LRP1B: variants seen among roughly 807,000 people sequenced by gnomAD.
The protein encoded by LRP1B is LDL receptor related protein 1B, also known as low-density lipoprotein receptor-related protein 1B.
LRP1B carries 217 observed loss-of-function variants against 556.6 expected under a neutral mutation model. That is an observed-to-expected ratio of 0.39 (90% CI 0.35 to 0.44). The LOEUF (loss-of-function observed/expected upper bound fraction) is 0.44. Among genes scored for constraint, LRP1B ranks in the 20% least tolerant of loss-of-function variants. The pLI, the probability that LRP1B is intolerant of heterozygous loss-of-function variation, is 1.00. For missense variants in LRP1B, 5,053 were observed against 5,620.8 expected (o/e 0.90, Z 3.23); for synonymous variants, 2,047 against 1,865.8 (o/e 1.10, Z -2.50).
chr2:140,535,170 A>T (rs1307688991), intron 46 of LRP1B, among the ~76,000 whole-genome samples: 1 of 152,182 alleles, frequency 6.6e-6, no homozygotes, highest in Non-Finnish European at 1.5e-5. Context: ...CATATTTACC[A>T]GCTGAACCTT....
At chr2:141,929,986 T>C (rs2104992391) in intron 1 of LRP1B, among the ~76,000 whole-genome samples, 1 of 146,098 alleles carries the variant, frequency 6.8e-6, no homozygotes, top group South Asian at 2.2e-4. Flanking sequence ...ACTTTCAAAA[T>C]GTCATGAGGA....
At chr2:140,922,289 C>A (rs7570204) in intron 21 of LRP1B, among the ~76,000 whole-genome samples, 1 of 150,248 alleles carries the variant, frequency 6.7e-6, no homozygotes, top group South Asian at 2.1e-4. Flanking sequence ...TATACACACA[C>A]ACACACACGC....
intron 2 of LRP1B, among the ~76,000 whole-genome samples, chr2:141,772,517 C>G (rs192626395): frequency 1.2e-4 from 19 of 152,228 alleles, no homozygotes; most frequent in African/African-American, 4.6e-4. Flanking sequence ...TTCCCAAGAC[C>G]CAGTGAATCA....
intron 1 of LRP1B, among the ~76,000 whole-genome samples, chr2:142,005,128 A>G (rs901208804): frequency 6.7e-6 from 1 of 148,852 alleles, no homozygotes; most frequent in East Asian, 1.9e-4. Flanking sequence ...ATATAACTAT[A>G]TAGTATATAT....
intron 35 of LRP1B, among the ~76,000 whole-genome samples, chr2:140,750,894 A>G (rs1688552187): frequency 6.6e-6 from 1 of 152,182 alleles, no homozygotes; most frequent in African/African-American, 2.4e-5. Flanking sequence ...TGAATGAAGA[A>G]CATTTTCCCA....
intron 20 of LRP1B, among the ~76,000 whole-genome samples, chr2:140,945,328 A>T (rs1695510068): frequency 6.6e-6 from 1 of 152,132 alleles, no homozygotes; most frequent in Non-Finnish European, 1.5e-5. Flanking sequence ...TCCTATCAAA[A>T]CACCAGCATC....
chr2:140,554,324 G>A (rs945971977), intron 43 of LRP1B, among the ~76,000 whole-genome samples: 3 of 147,558 alleles, frequency 2.0e-5, no homozygotes, highest in East Asian at 2.0e-4. Context: ...TTTTCTTGCC[G>A]TTATGTATGA....
At chr2:140,635,419 G>A (rs952336859) in intron 41 of LRP1B, among the ~76,000 whole-genome samples, 1 of 151,574 alleles carries the variant, frequency 6.6e-6, no homozygotes, top group African/African-American at 2.4e-5. Flanking sequence ...TCAGTACTAG[G>A]GCTGTAAGTT....
At chr2:140,330,777 C>T (rs1015093072) in intron 79 of LRP1B, among the ~76,000 whole-genome samples, 4 of 152,056 alleles carry the variant, frequency 2.6e-5, no homozygotes, top group Admixed American at 1.3e-4. Flanking sequence ...TCAGAGTGAA[C>T]AGACAACCTA....
At chr2:141,502,657 G>A (rs904541345) in intron 2 of LRP1B, among the ~76,000 whole-genome samples, 13 of 151,782 alleles carry the variant, frequency 8.6e-5, no homozygotes, top group Admixed American at 5.9e-4. Context: ...TGAAGAGATC[G>A]AGACCATCCT....
intron 1 of LRP1B, among the ~76,000 whole-genome samples, chr2:141,952,069 C>G (rs1232182486): frequency 7.1e-6 from 1 of 141,112 alleles, no homozygotes; most frequent in Non-Finnish European, 1.5e-5. Flanking sequence ...TCTCATTGTT[C>G]AGTTCCCACC....
chr2:140,916,191 G>C (rs1294376884), intron 21 of LRP1B, among the ~76,000 whole-genome samples: 1 of 152,058 alleles, frequency 6.6e-6, no homozygotes, highest in Admixed American at 6.6e-5. Flanking sequence ...ATTCCATAGG[G>C]CTGGTTCCAG....
At position 142,055,235 on chromosome 2, in the gene LRP1B, T is replaced by C. The variant is rs77994974; in HGVS notation, c.82+75413A>G. Among the ~76,000 whole-genome samples the C allele has an allele frequency of 9.7e-3, 1,477 of 152,102 alleles. 13 individuals are homozygous for C. Among genetic ancestry groups the C allele is most frequent in the African/African-American group, 0.027 (1,138 of 41,516 alleles). ...GAAAAAAAGGAATAGAGTGTGGATA[T>C]AGAGAAGAACAGACAGAGAAAACTT... On this transcript the variant is annotated intron_variant, in intron 1 of 90. Coordinates refer to ENST00000389484, the MANE Select transcript of LRP1B (RefSeq NM_018557.3).
intron 3 of LRP1B, among the ~76,000 whole-genome samples, chr2:141,394,316 A>G (rs1185257017): frequency 6.6e-6 from 1 of 152,126 alleles, no homozygotes. Flanking sequence ...TAGTCTTAAG[A>G]GATTATGAAA....
At chr2:140,678,549 T>C (rs1283892864) in intron 41 of LRP1B, among the ~76,000 whole-genome samples, 50 of 152,304 alleles carry the variant, frequency 3.3e-4, no homozygotes. Flanking sequence ...GGATGTATTC[T>C]ACATATAACT....
intron 1 of LRP1B, among the ~76,000 whole-genome samples, chr2:141,896,260 C>G (rs1699450033): frequency 6.6e-6 from 1 of 152,086 alleles, no homozygotes. Flanking sequence ...TCTTAGTCAC[C>G]TTTTACTTAA....
At chr2:141,591,482 A>T (rs1272095357) in intron 2 of LRP1B, among the ~76,000 whole-genome samples, 1 of 151,748 alleles carries the variant, frequency 6.6e-6, no homozygotes, top group Non-Finnish European at 1.5e-5. Flanking sequence ...CTCCCAGGTG[A>T]TACAGTTGTG....
At chr2:140,408,229 T>C (rs1237183955) in intron 66 of LRP1B, among the ~76,000 whole-genome samples, 1 of 151,912 alleles carries the variant, frequency 6.6e-6, no homozygotes, top group African/African-American at 2.4e-5. Flanking sequence ...GGGTACAGTG[T>C]ATATTGCTTG....
intron 7 of LRP1B, among the ~76,000 whole-genome samples, chr2:141,066,731 G>T (rs11892102): frequency 0.016 from 2,461 of 151,848 alleles, 63 homozygotes; most frequent in African/African-American, 0.056. Context: ...TTTTCAAAAG[G>T]TTCTGAAAAT....
Sources: gnomAD v4.1 joint callset for allele counts (sites outside exome capture counted in the v4.1 genomes callset) on GRCh38, gnomAD v4.1.1 for gene constraint, MANE v1.5 for transcripts, NCBI Gene and HGNC (gene_info 2026-07-23, HGNC 2026-07-21) for gene names.